Variants in CHST8 observed in about 807,000 individuals in gnomAD.
CHST8 encodes GALNAC-4-ST1.
A neutral mutation model predicts 15.0 loss-of-function variants in CHST8; 10 were observed. The ratio of observed to expected loss-of-function variants is 0.67; its 90% CI spans 0.41 to 1.13. CHST8 has a LOEUF of 1.13. Ranked by LOEUF, CHST8 falls within the 50% of genes most tolerant of loss-of-function variation. The pLI, the probability that CHST8 is intolerant of heterozygous loss-of-function variation, is 0.00. For synonymous variants in CHST8, 259 were observed against 256.6 expected, an observed-to-expected ratio of 1.01 and a Z score of -0.09; for missense variants, 634 against 608.2, an observed-to-expected ratio of 1.04 and a Z score of -0.45.
chr19:33,730,508 G>C (rs1176293757), intron 3 of CHST8, among the ~76,000 whole-genome samples: 3 of 152,204 alleles, frequency 2.0e-5, no homozygotes, highest in Non-Finnish European at 2.9e-5. Flanking sequence ...CTTTTCGAGA[G>C]TCTGGCTTAT....
chr19:33,751,784 C>T (rs1974426405), intron 3 of CHST8, among the ~76,000 whole-genome samples: 1 of 152,254 alleles, frequency 6.6e-6, no homozygotes, highest in African/African-American at 2.4e-5. Flanking sequence ...TCATGCCAAA[C>T]AGGGATAGTA....
At chr19:33,629,103 T>C (rs1229150419) in intron 1 of CHST8, among the ~76,000 whole-genome samples, 1 of 152,176 alleles carries the variant, frequency 6.6e-6, no homozygotes, top group Non-Finnish European at 1.5e-5. Flanking sequence ...GGGGACAAGC[T>C]GCTCGACGGC....
At chr19:33,771,567 A>G (rs1439278286) in intron 4 of CHST8, 117 bp downstream of exon 4, 1 of 1,031,892 alleles carries the variant, frequency 9.7e-7, no homozygotes, top group African/African-American at 1.6e-5. Flanking sequence ...AAATGTGTCC[A>G]GCCTTTCCCA....
intron 3 of CHST8, among the ~76,000 whole-genome samples, chr19:33,725,674 TG>T (rs1326491069): frequency 1.3e-5 from 2 of 152,178 alleles, no homozygotes; most frequent in Non-Finnish European, 2.9e-5. Flanking sequence ...ACTGGGACTC[TG>T]GGGGTCTCGG....
intron 2 of CHST8, among the ~76,000 whole-genome samples, chr19:33,677,449 C>A (rs763393327): frequency 3.3e-5 from 5 of 152,128 alleles, no homozygotes; most frequent in Admixed American, 3.3e-4. Context: ...TCAAGATAAG[C>A]AAATAATTCA....
intron 3 of CHST8, among the ~76,000 whole-genome samples, chr19:33,697,421 G>A (rs1448511062): frequency 6.6e-6 from 1 of 151,592 alleles, no homozygotes; most frequent in Non-Finnish European, 1.5e-5. Context: ...TGGTAGAGAC[G>A]GGGTTTCGCC....
At chr19:33,633,431 A>G (rs1216861681) in intron 1 of CHST8, among the ~76,000 whole-genome samples, 1 of 152,104 alleles carries the variant, frequency 6.6e-6, no homozygotes, top group African/African-American at 2.4e-5. Context: ...TTGCTCTGTC[A>G]TCTAGGCCAG....
intron 3 of CHST8, among the ~76,000 whole-genome samples, chr19:33,757,333 C>G (rs1245916355): frequency 6.8e-6 from 1 of 147,344 alleles, no homozygotes; most frequent in Non-Finnish European, 1.5e-5. Context: ...TGAGCCAAAA[C>G]CATGCCACTG....
chr19:33,663,645 C>A (rs896547259), intron 1 of CHST8, among the ~76,000 whole-genome samples: 9 of 152,040 alleles, frequency 5.9e-5, no homozygotes, highest in Non-Finnish European at 2.9e-5. Context: ...CAGAGGCAGG[C>A]GGATCACTTG....
intron 2 of CHST8, among the ~76,000 whole-genome samples, chr19:33,673,590 CTGTG>C (rs1413186589): frequency 7.9e-5 from 12 of 152,036 alleles, no homozygotes; most frequent in Non-Finnish European, 4.4e-5. Flanking sequence ...CGGAGGACGT[CTGTG>C]TGTGTGTGGA....
At chr19:33,725,530 G>A (rs1462762659) in intron 3 of CHST8, among the ~76,000 whole-genome samples, 1 of 152,176 alleles carries the variant, frequency 6.6e-6, no homozygotes, top group Non-Finnish European at 1.5e-5. Flanking sequence ...TGAGCTCAGT[G>A]AGCCTTCACT....
intron 3 of CHST8, among the ~76,000 whole-genome samples, chr19:33,695,054 C>T (rs116652579): frequency 2.6e-5 from 4 of 151,962 alleles, no homozygotes; most frequent in Admixed American, 6.6e-5. Flanking sequence ...CTCCTGGGCT[C>T]GAGTGATCCT....
chr19:33,648,770 C>T (rs1296692015), intron 1 of CHST8, among the ~76,000 whole-genome samples: 3 of 152,038 alleles, frequency 2.0e-5, no homozygotes, highest in Non-Finnish European at 4.4e-5. Context: ...GTGTACACAG[C>T]AGCTTTATTA....
rs1975010274 is a variant in CHST8, at chr19:33,772,364, G to T, written c.576G>T (p.Val192=). 6.2e-7 allele frequency: 1 copy of T among 1,607,988 alleles called. No homozygotes were observed. The highest frequency in any genetic ancestry group is 1.7e-5 in the Admixed American group (1 of 59,958). ...SRIFVEDRHR[V]LYCEVPKAGC... is the part of the protein sequence containing the mutation. ...TCTTCGTGGAGGACCGCCACCGCGT[G>T]CTCTACTGCGAGGTGCCCAAGGCCG... The change falls in exon 5 of 5, where the codon GTG becomes GTT. Residue 192 remains valine (V), a synonymous_variant. Coordinates refer to ENST00000650847, the MANE Select transcript of CHST8 (RefSeq NM_001127895.2).
intron 1 of CHST8, among the ~76,000 whole-genome samples, chr19:33,646,498 T>C (rs938904019): frequency 2.6e-5 from 4 of 152,116 alleles, no homozygotes; most frequent in African/African-American, 9.7e-5. Context: ...ACAGGAGCAG[T>C]TGGGGATGGT....
intron 3 of CHST8, among the ~76,000 whole-genome samples, chr19:33,751,324 A>G (rs1009960899): frequency 6.6e-6 from 1 of 152,198 alleles, no homozygotes; most frequent in Non-Finnish European, 1.5e-5. Context: ...TTTTTCTCCA[A>G]TTAAGCTGAA....
intron 3 of CHST8, among the ~76,000 whole-genome samples, chr19:33,769,304 GCATGACT>G (rs1974917677): frequency 6.6e-6 from 1 of 152,200 alleles, no homozygotes; most frequent in Non-Finnish European, 1.5e-5. Context: ...GCCAAATCTG[GCATGACT>G]CATTTGCTTT....
At chr19:33,745,964 G>A (rs1158835725) in intron 3 of CHST8, among the ~76,000 whole-genome samples, 3 of 152,214 alleles carry the variant, frequency 2.0e-5, no homozygotes, top group Non-Finnish European at 4.4e-5. Flanking sequence ...GGGACAAGGA[G>A]TGACTAAGGT....
intron 3 of CHST8, among the ~76,000 whole-genome samples, chr19:33,694,458 G>GC (rs1219677032): frequency 6.6e-6 from 1 of 151,734 alleles, no homozygotes; most frequent in Non-Finnish European, 1.5e-5. Context: ...GGATTGGACA[G>GC]CCCCCGATGA....
Sources: gnomAD v4.1 joint callset for allele counts (sites outside exome capture counted in the v4.1 genomes callset) on GRCh38, gnomAD v4.1.1 for gene constraint, MANE v1.5 for transcripts, NCBI Gene and HGNC (gene_info 2026-07-23, HGNC 2026-07-21) for gene names.